Variants in STARD13 observed in about 807,000 individuals in gnomAD.
The protein encoded by STARD13 is StAR related lipid transfer domain containing 13, also known as stAR-related lipid transfer protein 13.
Under a neutral mutation model 106.4 loss-of-function variants are expected in STARD13, and 62 were observed. The observed-to-expected ratio is 0.58, with a 90% CI of 0.48 to 0.72. STARD13 has a LOEUF of 0.72. STARD13 is among the 30% of genes least tolerant of loss of function. The pLI is 0.00. For synonymous variants in STARD13, 565 were observed against 553.0 expected (o/e 1.02, Z -0.31); for missense variants, 1,387 against 1,424.0 (o/e 0.97, Z 0.42).
Position 33,127,027 on chromosome 13 carries a change from G to C in STARD13, c.1922+346C>G, listed in dbSNP as rs149496909. On this transcript the variant is annotated intron_variant, in intron 6 of 13. Transcript: ENST00000336934. ...TGGTAAGCTTTGCATCAGGCCAGAA[G>C]GTACAAGTGACAGCTGTTTCTGTGC... 4.2e-3 allele frequency among the ~76,000 whole-genome samples: 642 copies of C among 152,344 alleles called. 7 individuals are homozygous for C. Among genetic ancestry groups the C allele is most frequent in the African/African-American group, 0.015 (607 of 41,582 alleles).
chr13:33,528,045 A>G, the STARD13 span, among the ~76,000 whole-genome samples: 1 of 150,774 alleles, frequency 6.6e-6, no homozygotes, highest in African/African-American at 2.4e-5. Context: ...TTTGACATTT[A>G]TTCTTCAGGT....
intron 12 of STARD13, among the ~76,000 whole-genome samples, chr13:33,108,251 C>T (rs1874043000): frequency 1.3e-5 from 2 of 152,278 alleles, no homozygotes; most frequent in East Asian, 1.9e-4. Flanking sequence ...AGACAGGAGG[C>T]ATCTCAGCCC....
At chr13:33,551,325 T>C in the STARD13 span, among the ~76,000 whole-genome samples, 2 of 152,352 alleles carry the variant, frequency 1.3e-5, no homozygotes, top group East Asian at 3.9e-4. Context: ...GCATTTTGAC[T>C]GTGATCCATC....
intron 1 of STARD13, among the ~76,000 whole-genome samples, chr13:33,202,699 C>A (rs926042861): frequency 1.3e-5 from 2 of 152,120 alleles, no homozygotes; most frequent in Non-Finnish European, 2.9e-5. Context: ...CTTAAGGTAG[C>A]TTTGGAGGAG....
intron 7 of STARD13, among the ~76,000 whole-genome samples, chr13:33,124,099 C>T (rs950003929): frequency 3.3e-5 from 5 of 152,192 alleles, no homozygotes; most frequent in Admixed American, 1.3e-4. Context: ...GATTGATTCG[C>T]TTTTACTAGC....
the STARD13 span, among the ~76,000 whole-genome samples, chr13:33,561,360 T>C: frequency 2.5e-3 from 374 of 151,734 alleles, 20 homozygotes; most frequent in African/African-American, 8.7e-3. Context: ...ATTTTCATCC[T>C]GCAACTATTT....
At chr13:33,306,886 GTTGT>G (rs1314076550) in intron 1 of STARD13, among the ~76,000 whole-genome samples, 1 of 152,064 alleles carries the variant, frequency 6.6e-6, no homozygotes, top group African/African-American at 2.4e-5. Flanking sequence ...GGAGGTGGAG[GTTGT>G]AGTGCGCCAA....
At chr13:33,215,590 G>A (rs1335915296) in intron 1 of STARD13, among the ~76,000 whole-genome samples, 2 of 152,206 alleles carry the variant, frequency 1.3e-5, no homozygotes, top group African/African-American at 4.8e-5. Context: ...ACCTGGAGAT[G>A]TGGCTGCTTC....
At chr13:33,645,336 G>A in the STARD13 span, among the ~76,000 whole-genome samples, 10 of 152,206 alleles carry the variant, frequency 6.6e-5, no homozygotes, top group African/African-American at 2.4e-4. Flanking sequence ...ACTGTCATCA[G>A]TGAGGCCATC....
At chr13:33,143,548 T>A (rs1404561181) in intron 3 of STARD13, among the ~76,000 whole-genome samples, 4 of 151,804 alleles carry the variant, frequency 2.6e-5, no homozygotes, top group Non-Finnish European at 5.9e-5. Context: ...CAGTCGTTTC[T>A]TTTGTTTGTT....
chr13:33,161,003 G>T (rs1882555918), intron 3 of STARD13, among the ~76,000 whole-genome samples: 1 of 152,118 alleles, frequency 6.6e-6, no homozygotes. Flanking sequence ...ACCCAAACTG[G>T]CAACAACCAA....
chr13:33,354,104 A>G (rs1431856258), upstream of STARD13, among the ~76,000 whole-genome samples: 1 of 152,152 alleles, frequency 6.6e-6, no homozygotes, highest in Non-Finnish European at 1.5e-5. Context: ...TGACTGAGAG[A>G]GAAATCTAGA....
At chr13:33,596,387 GTCA>G in the STARD13 span, among the ~76,000 whole-genome samples, 1 of 152,110 alleles carries the variant, frequency 6.6e-6, no homozygotes, top group African/African-American at 2.4e-5. Context: ...TAGTTGAAAT[GTCA>G]TCAATACACA....
chr13:33,195,783 T>G (rs1886572038), intron 1 of STARD13, among the ~76,000 whole-genome samples: 1 of 152,152 alleles, frequency 6.6e-6, no homozygotes, highest in South Asian at 2.1e-4. Context: ...CAAATCTGTC[T>G]CTCTTTCTTA....
At chr13:33,267,286 T>C (rs1326700497) in intron 1 of STARD13, among the ~76,000 whole-genome samples, 1 of 152,098 alleles carries the variant, frequency 6.6e-6, no homozygotes, top group Non-Finnish European at 1.5e-5. Flanking sequence ...CCCAGACAGC[T>C]AACAAGAAAT....
chr13:33,310,675 C>A (rs955658225), intron 1 of STARD13, among the ~76,000 whole-genome samples: 6 of 152,064 alleles, frequency 3.9e-5, no homozygotes, highest in Non-Finnish European at 5.9e-5. Flanking sequence ...AATATATAAT[C>A]TTTTCACCTT....
chr13:33,238,039 T>C (rs9536843), intron 1 of STARD13, among the ~76,000 whole-genome samples: 24,380 of 152,206 alleles, frequency 0.16, 2,608 homozygotes, highest in Admixed American at 0.32. Flanking sequence ...TAGAAATATG[T>C]TTTGAGATTA....
At chr13:33,443,601 C>T in the STARD13 span, among the ~76,000 whole-genome samples, 892 of 151,918 alleles carry the variant, frequency 5.9e-3, 8 homozygotes, top group Middle Eastern at 0.037. Context: ...AAGAGGATGT[C>T]TCGGCCATGT....
chr13:33,475,696 G>A, the STARD13 span, among the ~76,000 whole-genome samples: 11 of 152,096 alleles, frequency 7.2e-5, no homozygotes, highest in Admixed American at 3.3e-4. Flanking sequence ...TGGTGGTCAC[G>A]CCTGTAATCC....
Sources: gnomAD v4.1 joint callset for allele counts (sites outside exome capture counted in the v4.1 genomes callset) on GRCh38, gnomAD v4.1.1 for gene constraint, MANE v1.5 for transcripts, NCBI Gene and HGNC (gene_info 2026-07-23, HGNC 2026-07-21) for gene names.